KAZN: variants seen among roughly 807,000 people sequenced by gnomAD.
KAZN encodes the protein kazrin.
A neutral mutation model predicts 87.4 loss-of-function variants in KAZN; 40 were observed. That is an observed-to-expected ratio of 0.46 (90% CI 0.36 to 0.60). KAZN has a LOEUF of 0.60. Ranked by LOEUF, KAZN falls within the 20% of genes least tolerant of loss-of-function variation. KAZN has a pLI of 0.00. For missense variants in KAZN, 898 were observed against 1,073.9 expected, an observed-to-expected ratio of 0.84 and a Z score of 2.29; for synonymous variants, 466 against 458.3, an observed-to-expected ratio of 1.02 and a Z score of -0.22.
chr1:14,455,061 A>G (rs35314817), intron 2 of KAZN, among the ~76,000 whole-genome samples: 3 of 151,432 alleles, frequency 2.0e-5, no homozygotes, highest in Non-Finnish European at 4.4e-5. Flanking sequence ...TCCCCAGAGA[A>G]AGAGATCCAA....
intron 1 of KAZN, among the ~76,000 whole-genome samples, chr1:13,981,128 T>TATGTATA (rs375605048): frequency 8.2e-5 from 11 of 134,412 alleles, no homozygotes; most frequent in Non-Finnish European, 1.5e-4. Flanking sequence ...TAAACACAGA[T>TATGTATA]TATATATAGT....
chr1:14,149,254 A>T (rs1273786399), intron 1 of KAZN, among the ~76,000 whole-genome samples: 2 of 147,470 alleles, frequency 1.4e-5, no homozygotes, highest in Non-Finnish European at 3.0e-5. Flanking sequence ...GGCGTGTGCC[A>T]CCACGCCCAG....
At position 14,464,600 on chromosome 1, in the gene KAZN, G is replaced by A. The variant is rs372034939; in HGVS notation, c.250-134383G>A. Among the ~76,000 whole-genome samples, 8 of 151,544 alleles carry A rather than the reference G, an allele frequency of 5.3e-5. No individual in the cohort carries two copies. The East Asian group carries it at 9.7e-4, about 18-fold the overall frequency. ...GTCACCCAGGCTGGAGTGCAGTGGC[G>A]TGATTTCAGCTCACTGCAACCTCCA... is the stretch of plus-strand genomic sequence containing the variant. On this transcript the variant is annotated intron_variant, in intron 2 of 16. Coordinates refer to the KAZN transcript ENST00000636203.
rs146859403 is a variant in KAZN, at chr1:14,648,525, CCT to C, written c.226+49307_226+49308del. On this transcript the variant is annotated intron_variant, in intron 1 of 14. Transcript: ENST00000376030. ...AAAGGAAAAAACAGACTTGTCCCCTCCTCTCTGTCCCTTAGATGAGATTGTTG... is the reference window on the plus strand; with the variant it reads ...AAAGGAAAAAACAGACTTGTCCCCTCCTCTGTCCCTTAGATGAGATTGTTG... 5.3e-5 allele frequency among the ~76,000 whole-genome samples: 8 copies of C among 152,200 alleles called. No individual in the cohort carries two copies. The East Asian group carries it at 1.5e-3, about 29-fold the overall frequency.
At chr1:14,145,351 G>A (rs1469706176) in intron 1 of KAZN, among the ~76,000 whole-genome samples, 1 of 152,026 alleles carries the variant, frequency 6.6e-6, no homozygotes, top group East Asian at 1.9e-4. Context: ...GGCTGAGGTG[G>A]GAGGATCGCT....
chr1:14,274,701 T>C (rs1239829686), intron 2 of KAZN, among the ~76,000 whole-genome samples: 1 of 152,200 alleles, frequency 6.6e-6, no homozygotes, highest in African/African-American at 2.4e-5. Context: ...CTGCCACATA[T>C]TAGCTGTGAC....
At chr1:14,740,113 T>C (rs1572366522) in intron 1 of KAZN, among the ~76,000 whole-genome samples, 2 of 151,888 alleles carry the variant, frequency 1.3e-5, no homozygotes, top group South Asian at 4.2e-4. Flanking sequence ...CCAAGCCGAG[T>C]GTGTGCTGGG....
At chr1:14,489,280 C>T (rs1669518817) in intron 2 of KAZN, among the ~76,000 whole-genome samples, 1 of 152,078 alleles carries the variant, frequency 6.6e-6, no homozygotes, top group African/African-American at 2.4e-5. Context: ...ATCTATTATA[C>T]ACATCTATAT....
intron 1 of KAZN, among the ~76,000 whole-genome samples, chr1:14,011,507 C>A (rs1557780849): frequency 6.6e-6 from 1 of 152,294 alleles, no homozygotes; most frequent in East Asian, 1.9e-4. Context: ...TCGTGGAATA[C>A]CCCCAGAGAC....
chr1:15,020,437 T>A (rs1427580029), intron 2 of KAZN, among the ~76,000 whole-genome samples: 1 of 152,072 alleles, frequency 6.6e-6, no homozygotes, highest in Non-Finnish European at 1.5e-5. Context: ...CTTGCCACTA[T>A]CCCCCTCCGA....
intron 1 of KAZN, among the ~76,000 whole-genome samples, chr1:14,145,447 A>G (rs1335312900): frequency 1.3e-5 from 2 of 152,120 alleles, no homozygotes; most frequent in East Asian, 3.9e-4. Flanking sequence ...ATGTCTCTGA[A>G]AAAAAGACAC....
At chr1:14,333,214 T>A (rs1571323452) in intron 2 of KAZN, among the ~76,000 whole-genome samples, 1 of 152,192 alleles carries the variant, frequency 6.6e-6, no homozygotes, top group Non-Finnish European at 1.5e-5. Flanking sequence ...AGGGACATGA[T>A]CTCATTCCTT....
intron 1 of KAZN, among the ~76,000 whole-genome samples, chr1:14,135,350 G>A (rs574596012): frequency 1.3e-5 from 2 of 152,280 alleles, no homozygotes; most frequent in South Asian, 4.1e-4. Flanking sequence ...CCGAATAGCT[G>A]GTATCTGGCT....
chr1:14,663,199 A>C (rs6683521), intron 1 of KAZN, among the ~76,000 whole-genome samples: 7,356 of 151,752 alleles, frequency 0.048, 287 homozygotes, highest in African/African-American at 0.093. Flanking sequence ...CTGATCTCAA[A>C]CTCCAGGACT....
rs149715289 is a variant in KAZN at position 14,040,094 on chromosome 1, A to T, written c.92-140341A>T. ...GTGTGTGTGCACGTGTGTGTGTGAGAGAGAGAGAGACAGAGAGAGAGAGGT... is the reference window on the plus strand; with the variant it reads ...GTGTGTGTGCACGTGTGTGTGTGAGTGAGAGAGAGACAGAGAGAGAGAGGT... On this transcript the variant is annotated intron_variant, in intron 1 of 16. Transcript: ENST00000636203. Among the ~76,000 whole-genome samples, 242 of 145,490 alleles carry T rather than the reference A, an allele frequency of 1.7e-3. 2 individuals are homozygous for T. Among genetic ancestry groups the T allele is most frequent in the African/African-American group, 5.6e-3 (227 of 40,640 alleles).
Position 14,358,215 on chromosome 1 carries a change from T to C in KAZN, c.249+177623T>C, listed in dbSNP as rs535498454. On this transcript the variant is annotated intron_variant, in intron 2 of 16. Coordinates refer to the KAZN transcript ENST00000636203. ...TTCTAGTTTATTTCCATAGAGGTGT[T>C]TATAGCATTCTCTGATGGTAGTTTG... Among the ~76,000 whole-genome samples, 3 of 152,304 alleles carry C rather than the reference T, an allele frequency of 2.0e-5. No individual in the cohort carries two copies. In the East Asian group the frequency reaches 5.8e-4, roughly 29 times the overall value.
intron 1 of KAZN, among the ~76,000 whole-genome samples, chr1:14,120,441 A>G (rs1437310642): frequency 6.6e-6 from 1 of 152,156 alleles, no homozygotes; most frequent in Non-Finnish European, 1.5e-5. Context: ...GGGGACTACA[A>G]TTGAACATGA....
intron 2 of KAZN, among the ~76,000 whole-genome samples, chr1:14,252,213 C>T (rs2100617000): frequency 6.6e-6 from 1 of 152,302 alleles, no homozygotes; most frequent in Middle Eastern, 3.4e-3. Flanking sequence ...AAGGAGTCTT[C>T]TCCATTTGGT....
chr1:14,527,440 T>C (rs139908722), intron 2 of KAZN, among the ~76,000 whole-genome samples: 5 of 151,904 alleles, frequency 3.3e-5, no homozygotes, highest in African/African-American at 9.7e-5. Context: ...TCCCGACTAC[T>C]TGGGAGTCTG....
Sources: gnomAD v4.1 joint callset for allele counts (sites outside exome capture counted in the v4.1 genomes callset) on GRCh38, gnomAD v4.1.1 for gene constraint, MANE v1.5 for transcripts, NCBI Gene and HGNC (gene_info 2026-07-23, HGNC 2026-07-21) for gene names.